TACR1: variants seen among roughly 807,000 people sequenced by gnomAD.
The protein encoded by TACR1 is tachykinin receptor 1.
TACR1 carries 25 observed loss-of-function variants against 35.8 expected under a neutral mutation model. The ratio of observed to expected loss-of-function variants is 0.70; its 90% confidence interval spans 0.51 to 0.98. The LOEUF is 0.98. Among genes scored for constraint, TACR1 ranks in the 50% least tolerant of loss-of-function variants. The pLI, the probability that TACR1 is intolerant of heterozygous loss-of-function variation, is 0.00. For synonymous variants in TACR1, 195 were observed against 206.7 expected (o/e 0.94, Z 0.48); for missense variants, 478 against 522.9 (o/e 0.91, Z 0.84).
chr2:75,055,720 C>T (rs998287497), intron 2 of TACR1, among the ~76,000 whole-genome samples: 22 of 152,262 alleles, frequency 1.4e-4, no homozygotes, highest in African/African-American at 4.6e-4. Context: ...ATGGTCAACT[C>T]GCCGATACTC....
At chr2:75,111,088 A>G (rs1305906768) in intron 2 of TACR1, among the ~76,000 whole-genome samples, 1 of 151,952 alleles carries the variant, frequency 6.6e-6, no homozygotes, top group African/African-American at 2.4e-5. Context: ...GCAGTCCTCT[A>G]TGTTAGTTTT....
At chr2:75,120,401 C>G (rs1673944178) in intron 2 of TACR1, among the ~76,000 whole-genome samples, 173 bp downstream of exon 2, 1 of 151,974 alleles carries the variant, frequency 6.6e-6, no homozygotes, top group Non-Finnish European at 1.5e-5. Context: ...ACTATAGTCC[C>G]CTGACAACTG....
intron 2 of TACR1, among the ~76,000 whole-genome samples, chr2:75,106,259 T>C (rs1011746715): frequency 1.3e-5 from 2 of 152,026 alleles, no homozygotes; most frequent in Non-Finnish European, 2.9e-5. Flanking sequence ...AAAAAAATTA[T>C]TAAAGAGAGG....
intron 1 of TACR1, among the ~76,000 whole-genome samples, chr2:75,165,370 C>T (rs1223591580): frequency 2.6e-5 from 4 of 152,014 alleles, no homozygotes; most frequent in South Asian, 2.1e-4. Context: ...AGTGCAGTGG[C>T]GCGATCTCGG....
At chr2:75,161,438 A>G (rs1675007428) in intron 1 of TACR1, among the ~76,000 whole-genome samples, 1 of 152,134 alleles carries the variant, frequency 6.6e-6, no homozygotes, top group African/African-American at 2.4e-5. Flanking sequence ...AGAAAAGGGA[A>G]TTAGAAATAC....
chr2:75,154,575 AGT>A (rs1472003790), intron 1 of TACR1: 1 of 151,548 alleles, frequency 6.6e-6, no homozygotes, highest in Non-Finnish European at 1.5e-5. Flanking sequence ...AGCACAGGTG[AGT>A]GAGAAATTAC....
chr2:75,171,032 G>T (rs1348358584), intron 1 of TACR1, among the ~76,000 whole-genome samples: 2 of 152,198 alleles, frequency 1.3e-5, no homozygotes, highest in African/African-American at 4.8e-5. Context: ...AAGTAATGAG[G>T]AGCCAAATGT....
chr2:75,094,859 A>ATATAT, intron 2 of TACR1, among the ~76,000 whole-genome samples: 2 of 113,134 alleles, frequency 1.8e-5, no homozygotes, highest in African/African-American at 4.8e-5. Flanking sequence ...ATATATATAT[A>ATATAT]TTTTTTTTTT....
At chr2:75,117,607 G>A (rs553422470) in intron 2 of TACR1, among the ~76,000 whole-genome samples, 37 of 152,086 alleles carry the variant, frequency 2.4e-4, no homozygotes, top group Non-Finnish European at 4.1e-4. Context: ...GCTGCTCCTC[G>A]ACTTACAATA....
At chr2:75,195,505 T>C (rs1045627725) in intron 1 of TACR1, among the ~76,000 whole-genome samples, 7 of 152,164 alleles carry the variant, frequency 4.6e-5, no homozygotes, top group African/African-American at 1.7e-4. Flanking sequence ...CTGAAGTTTT[T>C]CTCCGCATAT....
At chr2:75,072,165 C>T (rs766581608) in intron 2 of TACR1, among the ~76,000 whole-genome samples, 1 of 151,746 alleles carries the variant, frequency 6.6e-6, no homozygotes, top group Non-Finnish European at 1.5e-5. Context: ...TCAGGAGGAG[C>T]AGGAACAGGG....
At chr2:75,122,953 CAG>C (rs1446034831) in intron 1 of TACR1, among the ~76,000 whole-genome samples, 1 of 151,932 alleles carries the variant, frequency 6.6e-6, no homozygotes, top group African/African-American at 2.4e-5. Flanking sequence ...TGATGCCTGA[CAG>C]TGGTGGAGCC....
At chr2:75,181,295 G>T (rs2104048007) in intron 1 of TACR1, among the ~76,000 whole-genome samples, 1 of 151,830 alleles carries the variant, frequency 6.6e-6, no homozygotes, top group South Asian at 2.1e-4. Context: ...ATTTTGAAAA[G>T]CTTCTTTCCA....
intron 2 of TACR1, among the ~76,000 whole-genome samples, chr2:75,055,927 G>A (rs1467666577): frequency 6.6e-6 from 1 of 152,220 alleles, no homozygotes; most frequent in South Asian, 2.1e-4. Flanking sequence ...GAGAAACATT[G>A]TCTTAGGCCA....
chr2:75,175,116 C>T (rs976914917), intron 1 of TACR1, among the ~76,000 whole-genome samples: 13 of 152,150 alleles, frequency 8.5e-5, no homozygotes, highest in Admixed American at 6.5e-5. Context: ...CCCTCAAATC[C>T]CTTTGCTTCT....
rs70937820 is a variant in TACR1, at chr2:75,103,565, G to GAATA, written c.584+17005_584+17008dup. Among the ~76,000 whole-genome samples the GAATA allele has an allele frequency of 1.2e-3, 183 of 150,880 alleles. 1 individual carries two copies. Among genetic ancestry groups the GAATA allele is most frequent in the African/African-American group, 3.5e-3 (144 of 41,104 alleles). Reference sequence around the variant, plus strand: ...TCCATACTAACATAAATAAATGATTGAATAAATAAATAAATAAATAAATAT... The same window carrying GAATA: ...TCCATACTAACATAAATAAATGATTGAATAAATAAATAAATAAATAAATAAATAT... On this transcript the variant is annotated intron_variant, in intron 2 of 4. Coordinates refer to ENST00000305249, the MANE Select transcript of TACR1 (RefSeq NM_001058.4).
In TACR1 at chr2:75,049,308, C is replaced by G. The variant is rs201232495; in HGVS notation, c.*124G>C. 41 of 1,104,896 alleles carry G rather than the reference C, an allele frequency of 3.7e-5. No individual in the cohort carries two copies. The South Asian group carries it at 5.8e-4, about 16-fold the overall frequency. The allele number at this position is 1,104,896 out of a possible 1,614,324, so 68.4% of individuals were successfully genotyped here. ...GATGGAATGTTTTCCCTAACCCATACTGACCCTTTTTGCAAGTCCCAGTGT... is the reference window on the plus strand; with the variant it reads ...GATGGAATGTTTTCCCTAACCCATAGTGACCCTTTTTGCAAGTCCCAGTGT... On this transcript the variant is annotated 3_prime_UTR_variant, in exon 5 of 5. Transcript: ENST00000305249.
rs117790374 is a variant in TACR1, at chr2:75,155,599, C to G, written c.390-34831G>C. Among the ~76,000 whole-genome samples, 84 of 152,320 alleles carry G rather than the reference C, an allele frequency of 5.5e-4. 2 individuals carry two copies. In the East Asian group the frequency reaches 0.014, roughly 26 times the overall value. On this transcript the variant is annotated intron_variant, in intron 1 of 4. Transcript: ENST00000305249. ...TTCTAAGGGTCACATAGCTCAGATACAGACAAACAAGGTCAGGACAACCAC... is the reference window on the plus strand; with the variant it reads ...TTCTAAGGGTCACATAGCTCAGATAGAGACAAACAAGGTCAGGACAACCAC...
At chr2:75,053,787 G>A (rs2103784150) in intron 2 of TACR1, 32 bp from the exon 3 acceptor site, 1 of 1,613,710 alleles carries the variant, frequency 6.2e-7, no homozygotes, top group Non-Finnish European at 8.5e-7. Flanking sequence ...AGGTCAGTAT[G>A]ATATACTTAT....
Sources: gnomAD v4.1 joint callset for allele counts (sites outside exome capture counted in the v4.1 genomes callset) on GRCh38, gnomAD v4.1.1 for gene constraint, MANE v1.5 for transcripts, NCBI Gene and HGNC (gene_info 2026-07-23, HGNC 2026-07-21) for gene names.